CORO7: variants seen among roughly 807,000 people sequenced by gnomAD.
CORO7 encodes the protein coronin 7, also known as coronin-7.
A neutral mutation model predicts 126.6 loss-of-function variants in CORO7; 107 were observed. That is an observed-to-expected ratio of 0.85 (90% CI 0.72 to 0.99). CORO7 has a LOEUF of 0.99. Ranked by LOEUF, CORO7 falls within the 50% of genes least tolerant of loss-of-function variation. The pLI, the probability that CORO7 is intolerant of heterozygous loss-of-function variation, is 0.00. For missense variants in CORO7, 1,314 were observed against 1,255.8 expected, an observed-to-expected ratio of 1.05 and a Z score of -0.70; for synonymous variants, 603 against 536.8, an observed-to-expected ratio of 1.12 and a Z score of -1.70.
Position 4,388,588 on chromosome 16 carries a change from C to T in CORO7, c.659G>A (p.Trp220Ter), listed in dbSNP as rs770463379. 3 of 1,613,044 alleles carry T rather than the reference C, an allele frequency of 1.9e-6. No individual in the cohort carries two copies. Among genetic ancestry groups the T allele is most frequent in the Non-Finnish European group, 2.5e-6 (3 of 1,179,854 alleles). The change falls in exon 8 of 28, where the codon TGG becomes TAG. Residue 220 changes from tryptophan (W) to a stop codon, truncating the protein, a stop_gained. Coordinates refer to ENST00000251166, the MANE Select transcript of CORO7 (RefSeq NM_024535.5). LOFTEE classifies it high-confidence loss of function. ...HENSRDSRLA[W>*]MGTWEHLVST... ...CACAAGGTGCTCCCAGGTGCCCATCCATGCCAGCCGGCTATCCCTGCTGTT... is the reference window on the plus strand; with the variant it reads ...CACAAGGTGCTCCCAGGTGCCCATCTATGCCAGCCGGCTATCCCTGCTGTT...
chr16:4,377,387 C>G (rs2054776621), intron 9 of CORO7, among the ~76,000 whole-genome samples: 1 of 152,168 alleles, frequency 6.6e-6, no homozygotes, highest in African/African-American at 2.4e-5. Flanking sequence ...CACCGTGTGA[C>G]CTGTAGACAG....
chr16:4,384,040 G>T (rs1301335067), intron 9 of CORO7, among the ~76,000 whole-genome samples: 1 of 152,236 alleles, frequency 6.6e-6, no homozygotes, highest in Non-Finnish European at 1.5e-5. Flanking sequence ...GGGCGCAGCA[G>T]GAAATCCTGC....
At chr16:4,387,518 C>T (rs1458169102) in intron 9 of CORO7, among the ~76,000 whole-genome samples, 1 of 151,766 alleles carries the variant, frequency 6.6e-6, no homozygotes, top group Non-Finnish European at 1.5e-5. Context: ...CCGCATAAGC[C>T]AAGGCCCACC....
In CORO7 at chr16:4,359,505, G is replaced by A; in HGVS notation, c.2225C>T (p.Thr742Ile). ...STLLPSYDPD[T>I]GLVLLTGKGD... ...CTTGCCGGTCAGGAGCACCAGGCCAGTGTCTGGGTCGTAGCTGGGCAGCAG... is the reference window on the plus strand; with the variant it reads ...CTTGCCGGTCAGGAGCACCAGGCCAATGTCTGGGTCGTAGCTGGGCAGCAG... The change falls in exon 22 of 28, where the codon ACT (threonine) becomes ATT (isoleucine). Residue 742 changes from threonine to isoleucine, a missense_variant. Physicochemically the swap from Thr to Ile is moderately conservative, Grantham distance 89. Coordinates refer to ENST00000251166, the MANE Select transcript of CORO7 (RefSeq NM_024535.5). The A allele has an allele frequency of 6.2e-7, 1 of 1,613,512 alleles. No individual in the cohort carries two copies. Among genetic ancestry groups the A allele is most frequent in the Non-Finnish European group, 8.5e-7 (1 of 1,179,978 alleles).
At chr16:4,388,759 G>T in intron 7 of CORO7, 128 bp from the exon 8 acceptor site, 2 of 1,024,508 alleles carry the variant, frequency 2.0e-6, no homozygotes, top group Non-Finnish European at 2.8e-6. Context: ...GGTGGGAAGG[G>T]CTGGGTCCTT....
Position 4,373,878 on chromosome 16 carries a change from G to T in CORO7, c.786-8333C>A, listed in dbSNP as rs1596295100. ...AGAGGGGAGGCTGCCCACAGGGATG[G>T]CTATCCCTGACCACTGGCCAGCCCT... On this transcript the variant is annotated intron_variant, in intron 9 of 27. Coordinates refer to ENST00000251166, the MANE Select transcript of CORO7 (RefSeq NM_024535.5). Among the ~76,000 whole-genome samples the T allele has an allele frequency of 2.6e-5, 4 of 152,188 alleles. No individual in the cohort carries two copies. The South Asian group carries it at 6.2e-4, about 24-fold the overall frequency.
chr16:4,388,072 C>T lies in CORO7; in HGVS notation c.703-4G>A, dbSNP rs2055256640. 3 of 1,610,960 alleles carry T rather than the reference C, an allele frequency of 1.9e-6. No homozygotes were observed. Among genetic ancestry groups the T allele is most frequent in the South Asian group, 2.2e-5 (2 of 90,664 alleles). On this transcript the variant is annotated splice_region_variant and splice_polypyrimidine_tract_variant and intron_variant, in intron 8 of 27. Transcript: ENST00000251166. ...GCTTCACTTCGCGCTCACGCATCTG[C>T]AGGGAGGGCGAGAGAGGGGCTCAGA...
At position 4,362,880 on chromosome 16, in the gene CORO7, G is replaced by A. The variant is rs74788945; in HGVS notation, c.1276-142C>T. 3.5e-3 allele frequency: 3,420 copies of A among 984,208 alleles called. 50 individuals are homozygous for A. The African/African-American group carries it at 0.041, about 12-fold the overall frequency. The allele number at this position is 984,208 out of a possible 1,614,324, so 61.0% of individuals were successfully genotyped here. Reference sequence around the variant, plus strand: ...ACTGTGGGCATGCGACAGGAGCGGCGGGGGGCACGGGCATAAACGCAGACA... The same window carrying A: ...ACTGTGGGCATGCGACAGGAGCGGCAGGGGGCACGGGCATAAACGCAGACA... On this transcript the variant is annotated intron_variant, in intron 14 of 27. Transcript: ENST00000251166. This position sits in a 1 kb window ranked among gnomAD's most constrained non-coding sequence, Gnocchi z 5.3.
In CORO7 at chr16:4,381,281, G is replaced by A. The variant is rs147270770; in HGVS notation, c.785+6705C>T. ...GAGCGCCTCTACCTGGGCAAGAACCGCATCCGCCACATCCAGCCTGGTGCC... is the reference window on the plus strand; with the variant it reads ...GAGCGCCTCTACCTGGGCAAGAACCACATCCGCCACATCCAGCCTGGTGCC... On this transcript the variant is annotated intron_variant, in intron 9 of 27. Transcript: ENST00000251166. 742 of 1,610,968 alleles carry A rather than the reference G, an allele frequency of 4.6e-4. 7 individuals are homozygous for A. Among genetic ancestry groups the A allele is most frequent in the Admixed American group, 1.7e-4 (10 of 59,874 alleles).
At chr16:4,411,875 G>A (rs1183859501) in intron 3 of CORO7, among the ~76,000 whole-genome samples, 1 of 151,812 alleles carries the variant, frequency 6.6e-6, no homozygotes, top group East Asian at 2.0e-4. Context: ...CTGCCAGGCA[G>A]GCTGCTGGAC....
chr16:4,360,140 C>T, intron 21 of CORO7, 138 bp downstream of exon 21: 1 of 1,067,556 alleles, frequency 9.4e-7, no homozygotes, highest in Non-Finnish European at 1.4e-6. Context: ...CCCACTCATC[C>T]AATCATCTAC....
At chr16:4,355,220 G>T (rs1485934085) in intron 27 of CORO7, 57 bp from the exon 28 acceptor site, 1 of 1,599,094 alleles carries the variant, frequency 6.3e-7, no homozygotes, top group African/African-American at 1.3e-5. Context: ...AAGGGAGGAG[G>T]CATGCACCGT....
intron 9 of CORO7, among the ~76,000 whole-genome samples, chr16:4,367,252 A>T (rs7199012): frequency 0.081 from 12,321 of 152,188 alleles, 873 homozygotes; most frequent in African/African-American, 0.19. Flanking sequence ...CTGCTTGTAG[A>T]GGTGGAGGCG....
chr16:4,380,911 C>T, intron 9 of CORO7: 1 of 1,563,770 alleles, frequency 6.4e-7, no homozygotes, highest in Non-Finnish European at 8.6e-7. Flanking sequence ...GCTGCCGCTG[C>T]TCCTGCTACT....
intron 9 of CORO7, chr16:4,382,915 G>C: frequency 6.7e-7 from 1 of 1,482,638 alleles, no homozygotes; most frequent in Non-Finnish European, 9.0e-7. Context: ...AGAGAGACAG[G>C]GCAGCTGGGG....
intron 9 of CORO7, among the ~76,000 whole-genome samples, chr16:4,383,983 A>G (rs2055099606): frequency 3.9e-5 from 6 of 152,214 alleles, no homozygotes. Context: ...CGGGAGAGCC[A>G]AGCGGTTTGC....
intron 3 of CORO7, among the ~76,000 whole-genome samples, chr16:4,412,042 A>G (rs952907756): frequency 3.3e-5 from 5 of 151,982 alleles, no homozygotes; most frequent in African/African-American, 1.2e-4. Flanking sequence ...CGGAGGGCTC[A>G]GAGCCATCCA....
chr16:4,373,793 G>A (rs1412342408), intron 9 of CORO7, among the ~76,000 whole-genome samples: 2 of 152,174 alleles, frequency 1.3e-5, no homozygotes, highest in East Asian at 1.9e-4. Flanking sequence ...GCTGAGCCCA[G>A]GAGGGAGCTC....
intron 3 of CORO7, among the ~76,000 whole-genome samples, chr16:4,409,788 G>A (rs1297777289): frequency 2.0e-5 from 3 of 152,224 alleles, no homozygotes; most frequent in Non-Finnish European, 2.9e-5. Flanking sequence ...AAGGGCAAGA[G>A]TGGCCCTGAG....
Sources: allele counts gnomAD v4.1 joint callset (sites outside exome capture counted in the v4.1 genomes callset), GRCh38; gene constraint gnomAD v4.1.1; non-coding constraint Gnocchi (gnomAD v3.1); transcripts MANE v1.5; gene names NCBI Gene and HGNC (gene_info 2026-07-23, HGNC 2026-07-21).